The following CACNA2D1 variants were observed in gnomAD, a reference collection of about 807,000 sequenced individuals.
The protein encoded by CACNA2D1 is calcium voltage-gated channel auxiliary subunit alpha2delta 1.
A neutral mutation model predicts 171.5 loss-of-function variants in CACNA2D1; 53 were observed. The observed-to-expected ratio is 0.31, with a 90% CI of 0.25 to 0.39. The LOEUF (loss-of-function observed/expected upper bound fraction) is 0.39. Among genes scored for constraint, CACNA2D1 ranks in the 10% least tolerant of loss-of-function variants. The pLI is 1.00. For missense variants in CACNA2D1, 903 were observed against 1,299.8 expected (o/e 0.69, Z 4.69); for synonymous variants, 442 against 443.1 (o/e 1.00, Z 0.03).
At chr7:82,313,326 C>G (rs1814709215) in intron 3 of CACNA2D1, among the ~76,000 whole-genome samples, 2 of 149,210 alleles carry the variant, frequency 1.3e-5, no homozygotes, top group Non-Finnish European at 3.0e-5. Context: ...GACGGCTATT[C>G]AGAGGGCCTG....
At chr7:82,000,813 TAG>T (rs1798530207) in intron 18 of CACNA2D1, among the ~76,000 whole-genome samples, 1 of 123,012 alleles carries the variant, frequency 8.1e-6, no homozygotes, top group Non-Finnish European at 1.7e-5. Context: ...TTTTTTTTTG[TAG>T]AGGCAGGGTT....
chr7:82,378,620 A>G (rs1823299233), intron 1 of CACNA2D1, among the ~76,000 whole-genome samples: 1 of 152,120 alleles, frequency 6.6e-6, no homozygotes, highest in Non-Finnish European at 1.5e-5. Flanking sequence ...CTTTCATTAT[A>G]TGCCTAATTT....
At chr7:82,425,705 T>C (rs894703801) in intron 1 of CACNA2D1, among the ~76,000 whole-genome samples, 1 of 151,330 alleles carries the variant, frequency 6.6e-6, no homozygotes, top group Admixed American at 6.6e-5. Flanking sequence ...GACAATTATT[T>C]AATTTTCAGT....
chr7:82,029,260 A>AT (rs1562892060), intron 12 of CACNA2D1: 1 of 151,832 alleles, frequency 6.6e-6, no homozygotes, highest in African/African-American at 2.4e-5. Flanking sequence ...GAATTAAAGA[A>AT]TAGAGTATTC....
intron 1 of CACNA2D1, among the ~76,000 whole-genome samples, chr7:82,404,107 C>T (rs1016667970): frequency 1.3e-5 from 2 of 152,210 alleles, no homozygotes; most frequent in Non-Finnish European, 1.5e-5. Context: ...TCTACAGCAA[C>T]TCAGTAGCCA....
chr7:82,105,617 G>A (rs258683), intron 6 of CACNA2D1, among the ~76,000 whole-genome samples: 2 of 151,626 alleles, frequency 1.3e-5, no homozygotes, highest in Non-Finnish European at 2.9e-5. Context: ...TTCCACCAAC[G>A]GCCTGTATGA....
chr7:82,239,829 A>C (rs1274685504), intron 3 of CACNA2D1, among the ~76,000 whole-genome samples: 3 of 152,092 alleles, frequency 2.0e-5, no homozygotes, highest in Non-Finnish European at 2.9e-5. Context: ...GGTCTACTGG[A>C]ATTTGACTCT....
intron 3 of CACNA2D1, among the ~76,000 whole-genome samples, chr7:82,308,623 A>C (rs977768898): frequency 2.0e-5 from 3 of 152,190 alleles, no homozygotes; most frequent in African/African-American, 7.2e-5. Context: ...CCTATAAGAA[A>C]ACTCTCCATT....
At chr7:82,138,247 C>G (rs1309949243) in intron 4 of CACNA2D1, among the ~76,000 whole-genome samples, 2 of 151,784 alleles carry the variant, frequency 1.3e-5, no homozygotes, top group Non-Finnish European at 2.9e-5. Flanking sequence ...CCAAACAAAC[C>G]AAAAATGATA....
chr7:81,999,947 A>C (rs951516622), intron 18 of CACNA2D1, among the ~76,000 whole-genome samples: 2 of 152,118 alleles, frequency 1.3e-5, no homozygotes, highest in Non-Finnish European at 2.9e-5. Flanking sequence ...TGCACTTTAG[A>C]CCTCCATGGG....
At chr7:82,011,830 A>T (rs1016418446) in intron 15 of CACNA2D1, among the ~76,000 whole-genome samples, 1 of 152,134 alleles carries the variant, frequency 6.6e-6, no homozygotes. Context: ...TAATTCACAA[A>T]GACTTTCATC....
Position 82,309,960 on chromosome 7 carries a change from G to A in CACNA2D1, c.294+25175C>T, listed in dbSNP as rs146888498. On this transcript the variant is annotated intron_variant, in intron 3 of 38. Coordinates refer to ENST00000356860, the MANE Select transcript of CACNA2D1 (RefSeq NM_000722.4). ...TTTAAGGCTTGTTATGTGAAATTAA[G>A]TAATAGTCATAAAAATGTCTGTATC... Among the ~76,000 whole-genome samples the A allele has an allele frequency of 6.3e-4, 96 of 152,216 alleles. 1 individual carries two copies. In the East Asian group the frequency reaches 0.013, roughly 21 times the overall value.
At chr7:82,152,751 T>C (rs1793989841) in intron 4 of CACNA2D1, among the ~76,000 whole-genome samples, 1 of 151,958 alleles carries the variant, frequency 6.6e-6, no homozygotes. Flanking sequence ...GAAAATGTAA[T>C]TACCCAGAAA....
intron 19 of CACNA2D1, among the ~76,000 whole-genome samples, chr7:81,996,528 C>A (rs1387037680): frequency 6.6e-6 from 1 of 151,798 alleles, no homozygotes; most frequent in Non-Finnish European, 1.5e-5. Context: ...TGTAGAGAAA[C>A]TATTTGACCT....
chr7:82,295,712 T>G (rs1812187368), intron 3 of CACNA2D1, among the ~76,000 whole-genome samples: 1 of 151,824 alleles, frequency 6.6e-6, no homozygotes, highest in African/African-American at 2.4e-5. Context: ...ACAGGGCCAG[T>G]TTGTGACAAA....
rs1159372470 is a variant in CACNA2D1 at position 82,111,416 on chromosome 7, GTATATA to G, written c.526+5622_526+5627del. Among the ~76,000 whole-genome samples the G allele has an allele frequency of 7.8e-4, 57 of 73,338 alleles. 1 individual carries two copies. Among genetic ancestry groups the G allele is most frequent in the East Asian group, 4.2e-3 (9 of 2,156 alleles). The allele number at this position is 73,338 out of a possible 152,430, so 48.1% of individuals were successfully genotyped here. Reference sequence around the variant, plus strand: ...TATGTATATATATATTCATATATGTGTATATATGTGTGTATATATATATATATATTT... The same window carrying G: ...TATGTATATATATATTCATATATGTGTGTGTGTATATATATATATATATTT... On this transcript the variant is annotated intron_variant, in intron 6 of 38. Transcript: ENST00000356860.
At chr7:82,029,058 AGG>A (rs958196962) in intron 12 of CACNA2D1, 2 of 151,786 alleles carry the variant, frequency 1.3e-5, no homozygotes, top group Non-Finnish European at 2.9e-5. Context: ...CTTTTGTGAA[AGG>A]AAGAGTCAGT....
In CACNA2D1 at chr7:82,378,938, C is replaced by CGTGTGTGT. The variant is rs533854397; in HGVS notation, c.96-29297_96-29290dup. 9.3e-5 allele frequency among the ~76,000 whole-genome samples: 13 copies of CGTGTGTGT among 139,094 alleles called. No homozygotes were observed. The South Asian group carries it at 1.0e-3, about 11-fold the overall frequency. 91.3% of individuals were successfully genotyped at this position (139,094 alleles called of 152,430 possible). A position where few individuals can be genotyped will look rare whatever the true frequency, so the allele number is the denominator to read the frequency against. ...TACTGTATGTGTGCAGGGGTTGACT[C>CGTGTGTGT]GTGTGTGTGTGTGTGTGTGTGTGTG... On this transcript the variant is annotated intron_variant, in intron 1 of 38. Transcript: ENST00000356860.
chr7:82,117,092 A>G lies in CACNA2D1; in HGVS notation c.478T>C (p.Ser160Pro). The G allele has an allele frequency of 6.2e-7, 1 of 1,613,874 alleles. No individual in the cohort carries two copies. The highest frequency in any genetic ancestry group is 8.5e-7 in the Non-Finnish European group (1 of 1,179,868). ...IEDANFGRQI[S>P]YQHAAVHIPT... ...ATATGGACTGCTGCGTGCTGATAAG[A>G]TATTTGTCGTCCAAAATTAGCATCT... is the stretch of plus-strand genomic sequence containing the variant. The change falls in exon 6 of 39, where the codon TCT becomes CCT. Residue 160 changes from serine (S) to proline (P), a missense_variant. Coordinates refer to ENST00000356860, the MANE Select transcript of CACNA2D1 (RefSeq NM_000722.4).
Sources: gnomAD v4.1 joint callset for allele counts (sites outside exome capture counted in the v4.1 genomes callset) on GRCh38, gnomAD v4.1.1 for gene constraint, MANE v1.5 for transcripts, NCBI Gene and HGNC (gene_info 2026-07-23, HGNC 2026-07-21) for gene names.